CSMD1: variants seen among roughly 807,000 people sequenced by gnomAD.
CSMD1 encodes CUB and Sushi multiple domains 1.
CSMD1 carries 213 observed loss-of-function variants against 417.5 expected under a neutral mutation model. The ratio of observed to expected loss-of-function variants is 0.51; its 90% CI spans 0.46 to 0.57. The LOEUF is 0.57. Ranked by LOEUF, CSMD1 falls within the 20% of genes least tolerant of loss-of-function variation. CSMD1 has a pLI of 0.00. For synonymous variants in CSMD1, 2,862 were observed against 1,736.8 expected (o/e 1.65, Z -16.11); for missense variants, 6,923 against 4,529.7 (o/e 1.53, Z -15.17).
intron 2 of CSMD1, among the ~76,000 whole-genome samples, chr8:4,437,988 A>C (rs2129646353): frequency 6.6e-6 from 1 of 152,270 alleles, no homozygotes; most frequent in East Asian, 1.9e-4. Context: ...ACAGAAACCC[A>C]ATAAAGTGGT....
chr8:3,292,597 C>G (rs1375239653), intron 25 of CSMD1, among the ~76,000 whole-genome samples: 1 of 152,096 alleles, frequency 6.6e-6, no homozygotes, highest in Non-Finnish European at 1.5e-5. Context: ...TTCTTTGTCT[C>G]TTTTGATCTT....
chr8:3,926,607 TTAAAA>T (rs1375362836), intron 5 of CSMD1, among the ~76,000 whole-genome samples: 1 of 151,936 alleles, frequency 6.6e-6, no homozygotes, highest in African/African-American at 2.4e-5. Flanking sequence ...TATCAGTTGT[TTAAAA>T]TATGATTTTA....
intron 2 of CSMD1, among the ~76,000 whole-genome samples, chr8:4,506,385 G>A (rs1802528919): frequency 1.5e-5 from 2 of 134,908 alleles, no homozygotes; most frequent in South Asian, 4.8e-4. Flanking sequence ...CAAGTCTAGT[G>A]CAAAGGGGAG....
chr8:4,944,233 T>C (rs183400350), intron 1 of CSMD1, among the ~76,000 whole-genome samples: 5 of 152,246 alleles, frequency 3.3e-5, no homozygotes, highest in East Asian at 1.9e-4. Context: ...CAAAAGATGA[T>C]AGAAAGTAGA....
At chr8:3,398,012 C>A (rs150868050) in intron 16 of CSMD1, among the ~76,000 whole-genome samples, 1 of 152,122 alleles carries the variant, frequency 6.6e-6, no homozygotes, top group Non-Finnish European at 1.5e-5. Context: ...TCAGAAATAT[C>A]GGGTATTTCC....
In CSMD1 at chr8:3,929,065, A is replaced by C. The variant is rs1400586647; in HGVS notation, c.818+68838T>G. On this transcript the variant is annotated intron_variant, in intron 5 of 69. Coordinates refer to ENST00000635120, the MANE Select transcript of CSMD1 (RefSeq NM_033225.6). ...GCATTGCCATCTACTAATTGCAGAA[A>C]ATTAAAAGCACAGAGAATAAAGAAA... Among the ~76,000 whole-genome samples, 3 of 150,432 alleles carry C rather than the reference A, an allele frequency of 2.0e-5. No homozygotes were observed. The East Asian group carries it at 5.8e-4, about 29-fold the overall frequency.
chr8:4,597,459 T>G (rs151233079), intron 2 of CSMD1, among the ~76,000 whole-genome samples: 2 of 152,172 alleles, frequency 1.3e-5, no homozygotes, highest in East Asian at 3.9e-4. Flanking sequence ...ATGCTTTGAA[T>G]TGAGTTTCAT....
Position 4,788,068 on chromosome 8 carries a change from C to A in CSMD1, c.86-150510G>T, listed in dbSNP as rs1205181598. On this transcript the variant is annotated intron_variant, in intron 1 of 69. Transcript: ENST00000635120. ...GTAAAGAAAAACTTTGAGTGGGTTGCAGAGAAAGTAGAGTTGCTTTTGAAA... is the reference window on the plus strand; with the variant it reads ...GTAAAGAAAAACTTTGAGTGGGTTGAAGAGAAAGTAGAGTTGCTTTTGAAA... The A allele has an allele frequency of 3.1e-6, 5 of 1,597,152 alleles. No homozygotes were observed. In the South Asian group the frequency reaches 4.5e-5, roughly 14 times the overall value.
At chr8:4,510,972 T>C (rs371028994) in intron 2 of CSMD1, among the ~76,000 whole-genome samples, 30 of 151,810 alleles carry the variant, frequency 2.0e-4, no homozygotes, top group African/African-American at 6.8e-4. Flanking sequence ...TAAGAGAATA[T>C]ACTTGACAAT....
In CSMD1 at chr8:4,041,043, G is replaced by T. The variant is rs1326053483; in HGVS notation, c.416-8944C>A. 3.9e-5 allele frequency among the ~76,000 whole-genome samples: 5 copies of T among 128,978 alleles called. No homozygotes were observed. In the Admixed American group the frequency reaches 4.2e-4, roughly 11 times the overall value. 84.6% of individuals were successfully genotyped at this position (128,978 alleles called of 152,430 possible). On this transcript the variant is annotated intron_variant, in intron 3 of 69. Coordinates refer to ENST00000635120, the MANE Select transcript of CSMD1 (RefSeq NM_033225.6). ...TTTTTTTTTTTTTTTTTGAGACGGA[G>T]TCTCGCTCTGTCGCCCAGGCTGGAG...
chr8:3,422,098 C>T (rs1490745603), intron 12 of CSMD1, among the ~76,000 whole-genome samples: 1 of 151,800 alleles, frequency 6.6e-6, no homozygotes, highest in Admixed American at 6.5e-5. Context: ...TCTACCCTTC[C>T]CATGACTAGA....
chr8:4,781,698 G>C (rs1585089017), intron 1 of CSMD1, among the ~76,000 whole-genome samples: 1 of 152,160 alleles, frequency 6.6e-6, no homozygotes, highest in African/African-American at 2.4e-5. Context: ...TCAGGTGATG[G>C]AGTATATATG....
chr8:4,216,555 T>C (rs1379036843), intron 3 of CSMD1, among the ~76,000 whole-genome samples: 1 of 152,172 alleles, frequency 6.6e-6, no homozygotes, highest in Non-Finnish European at 1.5e-5. Context: ...GAACCCGGCC[T>C]GAGTCTGCTG....
chr8:4,422,360 AC>A (rs975730725), intron 2 of CSMD1, among the ~76,000 whole-genome samples: 2 of 152,060 alleles, frequency 1.3e-5, no homozygotes, highest in African/African-American at 4.8e-5. Context: ...TGAAGCCCCA[AC>A]CCCCAACATA....
Position 3,575,038 on chromosome 8 carries a change from C to T in CSMD1, c.1251G>A (p.Gly417=). ...TAGGGGAGGTAATGACGCCGCTGGG[C>T]CCACGCAGATTGGATCCACATGTTC... ...RARTCGSNLR[G]PSGVITSPNY... is the part of the protein sequence containing the mutation. The change falls in exon 10 of 70, where the codon GGG becomes GGA. Residue 417 remains glycine, a synonymous_variant. Transcript: ENST00000635120. The T allele has an allele frequency of 6.2e-7, 1 of 1,613,310 alleles. No individual in the cohort carries two copies. Among genetic ancestry groups the T allele is most frequent in the Non-Finnish European group, 8.5e-7 (1 of 1,179,684 alleles).
chr8:4,302,782 A>C (rs938743216), intron 3 of CSMD1, among the ~76,000 whole-genome samples: 3 of 152,148 alleles, frequency 2.0e-5, no homozygotes, highest in African/African-American at 7.2e-5. Context: ...TAGAGTTGGC[A>C]CCGTCAGCCC....
At chr8:4,463,484 T>C (rs1799965496) in intron 2 of CSMD1, among the ~76,000 whole-genome samples, 1 of 152,194 alleles carries the variant, frequency 6.6e-6, no homozygotes, top group Non-Finnish European at 1.5e-5. Flanking sequence ...GAGTTATTCA[T>C]AATTGCAAAA....
chr8:4,701,029 T>C (rs559395340), intron 1 of CSMD1, among the ~76,000 whole-genome samples: 83 of 152,238 alleles, frequency 5.5e-4, no homozygotes, highest in African/African-American at 1.7e-3. Flanking sequence ...GGAGGCAAAC[T>C]AGTGAACAAA....
At position 4,281,971 on chromosome 8, in the gene CSMD1, T is replaced by C. The variant is rs528792672; in HGVS notation, c.415+137982A>G. 7.9e-5 allele frequency among the ~76,000 whole-genome samples: 12 copies of C among 152,354 alleles called. No homozygotes were observed. The South Asian group carries it at 1.4e-3, about 18-fold the overall frequency. ...GTTAGGGCTTGATCAGGTTTACCAA[T>C]TGCAAATGCATTCAACTATAGCAAG... On this transcript the variant is annotated intron_variant, in intron 3 of 69. Coordinates refer to ENST00000635120, the MANE Select transcript of CSMD1 (RefSeq NM_033225.6).
Sources: allele counts gnomAD v4.1 joint callset (sites outside exome capture counted in the v4.1 genomes callset), GRCh38; gene constraint gnomAD v4.1.1; transcripts MANE v1.5; gene names NCBI Gene and HGNC (gene_info 2026-07-23, HGNC 2026-07-21).